Variants in SMARCAL1 observed in about 807,000 individuals in gnomAD.
The protein encoded by SMARCAL1 is ATP-driven annealing helicase.
SMARCAL1 carries 58 observed loss-of-function variants against 94.5 expected under a neutral mutation model. The ratio of observed to expected loss-of-function variants is 0.61; its 90% CI spans 0.50 to 0.76. SMARCAL1 has a LOEUF of 0.76. Ranked by LOEUF, SMARCAL1 falls within the 30% of genes least tolerant of loss-of-function variation. The probability of loss-of-function intolerance (pLI) is 0.00; values close to 1 mark genes in which losing one functional copy is unlikely to be tolerated. For synonymous variants in SMARCAL1, 422 were observed against 455.1 expected, an observed-to-expected ratio of 0.93 and a Z score of 0.93; for missense variants, 1,051 against 1,177.9, an observed-to-expected ratio of 0.89 and a Z score of 1.58.
Position 216,446,912 on chromosome 2 carries a change from C to T in SMARCAL1, c.1711-106C>T, listed in dbSNP as rs79491615. 30,033 of 1,322,030 alleles carry T rather than the reference C, an allele frequency of 0.023. 618 individuals carry two copies. Among genetic ancestry groups the T allele is most frequent in the Middle Eastern group, 0.033 (176 of 5,398 alleles). The allele number at this position is 1,322,030 out of a possible 1,614,324, so 81.9% of individuals were successfully genotyped here. ...CCATTAGGTTCTCGCGACACGCACGCGGTCTTTTTCTGGGGGCATCCAGCT... is the reference window on the plus strand; with the variant it reads ...CCATTAGGTTCTCGCGACACGCACGTGGTCTTTTTCTGGGGGCATCCAGCT... On this transcript the variant is annotated intron_variant, in intron 10 of 17. Coordinates refer to ENST00000357276, the MANE Select transcript of SMARCAL1 (RefSeq NM_014140.4).
At position 216,475,141 on chromosome 2, in the gene SMARCAL1, A is replaced by G; in HGVS notation, c.2245-128A>G. 1 of 816,418 alleles carries G rather than the reference A, an allele frequency of 1.2e-6. No individual in the cohort carries two copies. The highest frequency in any genetic ancestry group is 1.5e-5 in the South Asian group (1 of 64,734). 50.6% of individuals were successfully genotyped at this position (816,418 alleles called of 1,614,324 possible). Reference sequence around the variant, plus strand: ...CAATACCAATGTCAATTTGAAAAGAAAAGCTCTGAAGGCAGGGGCCTCTGC... The same window carrying G: ...CAATACCAATGTCAATTTGAAAAGAGAAGCTCTGAAGGCAGGGGCCTCTGC... On this transcript the variant is annotated intron_variant, in intron 14 of 17. Coordinates refer to ENST00000357276, the MANE Select transcript of SMARCAL1 (RefSeq NM_014140.4). This position sits in a 1 kb window ranked among gnomAD's most constrained non-coding sequence, Gnocchi z 4.4.
chr2:216,481,950 G>C (rs1020412454), intron 17 of SMARCAL1, among the ~76,000 whole-genome samples: 5 of 152,198 alleles, frequency 3.3e-5, no homozygotes, highest in Admixed American at 6.5e-5. Context: ...GATAGTGATC[G>C]TGTGTTGTGG....
intron 10 of SMARCAL1, among the ~76,000 whole-genome samples, chr2:216,444,740 C>T (rs112726476): frequency 0.096 from 14,656 of 152,242 alleles, 876 homozygotes; most frequent in South Asian, 0.18. Context: ...TGGTCTCGAA[C>T]TCCTGACCTC....
chr2:216,462,386 C>T (rs72948654), intron 12 of SMARCAL1, among the ~76,000 whole-genome samples: 15,169 of 152,206 alleles, frequency 0.1, 901 homozygotes, highest in South Asian at 0.18. Context: ...GAGGTCATCA[C>T]ATGTAAGCCT....
chr2:216,458,538 C>A (rs1353037714), intron 12 of SMARCAL1, among the ~76,000 whole-genome samples: 1 of 152,162 alleles, frequency 6.6e-6, no homozygotes, highest in Admixed American at 6.5e-5. Flanking sequence ...ATACGCAAAT[C>A]AATAAACATA....
intron 10 of SMARCAL1, among the ~76,000 whole-genome samples, chr2:216,438,711 T>A (rs1376895044): frequency 6.6e-6 from 1 of 152,132 alleles, no homozygotes; most frequent in Admixed American, 6.5e-5. Context: ...GTACTAGTAG[T>A]CAGTAGTGCT....
intron 9 of SMARCAL1, 35 bp downstream of exon 9, chr2:216,435,531 C>T (rs771942068): frequency 1.3e-6 from 2 of 1,584,812 alleles, no homozygotes; most frequent in South Asian, 1.1e-5. Flanking sequence ...AGTACTTTAT[C>T]TCTCTGGAAA....
At chr2:216,457,531 A>T (rs1484201788) in intron 12 of SMARCAL1, among the ~76,000 whole-genome samples, 1 of 152,200 alleles carries the variant, frequency 6.6e-6, no homozygotes, top group Non-Finnish European at 1.5e-5. Context: ...GGATTAAGAA[A>T]CTCACTCAAA....
intron 14 of SMARCAL1, among the ~76,000 whole-genome samples, chr2:216,472,029 A>G (rs1301571002): frequency 2.0e-5 from 3 of 152,212 alleles, no homozygotes. Context: ...TACTATGGAC[A>G]AAAAGCTGTT....
intron 16 of SMARCAL1, among the ~76,000 whole-genome samples, chr2:216,477,608 T>C (rs778504467): frequency 2.6e-5 from 4 of 152,350 alleles, no homozygotes; most frequent in Admixed American, 6.5e-5. Context: ...GGTGGGCACA[T>C]CTTACATTGC....
At chr2:216,478,398 T>C (rs1057008699) in intron 17 of SMARCAL1, 99 bp downstream of exon 17, 48 of 885,988 alleles carry the variant, frequency 5.4e-5, no homozygotes, top group Non-Finnish European at 8.5e-5. Context: ...GAATCACTCC[T>C]AGGGACCTCC....
In SMARCAL1 at chr2:216,451,000, T is replaced by C. The variant is rs1694439227; in HGVS notation, c.2006T>C (p.Ile669Thr). The C allele has an allele frequency of 6.2e-7, 1 of 1,614,052 alleles. No homozygotes were observed. The highest frequency in any genetic ancestry group is 1.3e-5 in the African/African-American group (1 of 74,920). ...ATAGTGGTGATTGCCCCAGGACGGA[T>C]CAATGCCAGGACCAGAGCTGCCCTG... The part of the protein sequence containing the change: ...RKIVVIAPGR[I>T]NARTRAALDA... The change falls in exon 12 of 18, where the codon ATC (isoleucine) becomes ACC (threonine). Residue 669 changes from isoleucine (I) to threonine (T), a missense_variant. Ile to Thr is a moderately conservative substitution (Grantham distance 89). This residue lies in a region of SMARCAL1 where 642 missense variants were observed against 754.7 expected (regional missense o/e 0.85). Coordinates refer to ENST00000357276, the MANE Select transcript of SMARCAL1 (RefSeq NM_014140.4).
At chr2:216,427,161 A>G (rs1340697696) in intron 6 of SMARCAL1, 1 of 152,334 alleles carries the variant, frequency 6.6e-6, no homozygotes, top group East Asian at 1.9e-4. Flanking sequence ...GCAAAGAGCT[A>G]TTTTACAGAA....
In SMARCAL1 at chr2:216,415,521, G is replaced by T. The variant is rs1269883110; in HGVS notation, c.811+6G>T. The T allele has an allele frequency of 1.7e-5, 27 of 1,563,596 alleles. No individual in the cohort carries two copies. Among genetic ancestry groups the T allele is most frequent in the Admixed American group, 3.4e-5 (2 of 59,342 alleles). ...CCTGCCCAGCAAGAATTATGGTAATGTCTTCATTTTTCAGCTGTTTTTTTT... is the reference window on the plus strand; with the variant it reads ...CCTGCCCAGCAAGAATTATGGTAATTTCTTCATTTTTCAGCTGTTTTTTTT... On this transcript the variant is annotated splice_donor_region_variant and intron_variant, in intron 3 of 17. Coordinates refer to ENST00000357276, the MANE Select transcript of SMARCAL1 (RefSeq NM_014140.4).
At chr2:216,422,739 T>A (rs1336948268) in intron 5 of SMARCAL1, among the ~76,000 whole-genome samples, 2 of 152,238 alleles carry the variant, frequency 1.3e-5, no homozygotes, top group Non-Finnish European at 2.9e-5. Flanking sequence ...GAAGGAATCA[T>A]ACAGTGAAGA....
chr2:216,435,375 G>A lies in SMARCAL1; in HGVS notation c.1523G>A (p.Cys508Tyr). The change falls in exon 9 of 18, where the codon TGC becomes TAC. Residue 508 changes from cysteine to tyrosine, a missense_variant. Cys to Tyr is a radical substitution (Grantham distance 194). Around this residue, in one of 3 missense-constraint regions of SMARCAL1, gnomAD observed 642 missense variants for 754.7 expected, o/e 0.85. Transcript: ENST00000357276. ...TGGCTGCCATCTCTGAGCCCAGATT[G>A]CATCAACGTCGTGGTGACTGGGAAG... Reference protein sequence around the residue: ...LRWLPSLSPDCINVVVTGKDR... With the variant: ...LRWLPSLSPDYINVVVTGKDR... 6.2e-7 allele frequency: 1 copy of A among 1,614,130 alleles called. No individual in the cohort carries two copies. Among genetic ancestry groups the A allele is most frequent in the Non-Finnish European group, 8.5e-7 (1 of 1,180,008 alleles).
At chr2:216,441,642 A>G (rs183504899) in intron 10 of SMARCAL1, among the ~76,000 whole-genome samples, 319 of 152,330 alleles carry the variant, frequency 2.1e-3, no homozygotes, top group Non-Finnish European at 3.4e-3. Context: ...AACATCATCT[A>G]TATGTACCTT....
At chr2:216,458,253 G>A (rs1694615490) in intron 12 of SMARCAL1, among the ~76,000 whole-genome samples, 2 of 152,168 alleles carry the variant, frequency 1.3e-5, no homozygotes, top group Non-Finnish European at 2.9e-5. Flanking sequence ...TCTACCAGAG[G>A]TACAAGGAGG....
chr2:216,474,819 T>C (rs1333501629), intron 14 of SMARCAL1, among the ~76,000 whole-genome samples: 3 of 152,192 alleles, frequency 2.0e-5, no homozygotes, highest in African/African-American at 4.8e-5. Flanking sequence ...TATCAGGAGC[T>C]AAGGACCGTG....
Sources: allele counts gnomAD v4.1 joint callset (sites outside exome capture counted in the v4.1 genomes callset), GRCh38; gene constraint gnomAD v4.1.1; regional missense constraint gnomAD v4.1.1; non-coding constraint Gnocchi (gnomAD v3.1); transcripts MANE v1.5; gene names NCBI Gene and HGNC (gene_info 2026-07-23, HGNC 2026-07-21).